PCDHA3: variants seen among roughly 807,000 people sequenced by gnomAD.
PCDHA3 encodes the protein protocadherin alpha 3.
In PCDHA3, 41 loss-of-function variants were observed where a neutral mutation model predicts 62.2. That is an observed-to-expected ratio of 0.66 (90% CI 0.51 to 0.86). The LOEUF (loss-of-function observed/expected upper bound fraction) is 0.86, where lower values mean the gene tolerates loss of function less well. Among genes scored for constraint, PCDHA3 ranks in the 40% least tolerant of loss-of-function variants. The pLI is 0.00. For synonymous variants in PCDHA3, 640 were observed against 555.4 expected, an observed-to-expected ratio of 1.15 and a Z score of -2.14; for missense variants, 1,304 against 1,241.2, an observed-to-expected ratio of 1.05 and a Z score of -0.76.
intron 1 of PCDHA3, among the ~76,000 whole-genome samples, chr5:140,873,657 C>A (rs1270824058): frequency 6.6e-6 from 1 of 152,090 alleles, no homozygotes; most frequent in Non-Finnish European, 1.5e-5. Context: ...ACATAACACA[C>A]TATTATTATT....
intron 1 of PCDHA3, chr5:140,864,380 A>C (rs1581715525): frequency 6.6e-6 from 1 of 152,354 alleles, no homozygotes; most frequent in East Asian, 1.9e-4. Flanking sequence ...CGATAAGTTT[A>C]TCTCTCACAA....
At chr5:140,804,977 T>G in intron 1 of PCDHA3, 8 of 1,501,798 alleles carry the variant, frequency 5.3e-6, no homozygotes, top group Non-Finnish European at 6.2e-6. Context: ...AGTGTGTCCA[T>G]CTCAGGTCAG....
chr5:140,949,074 C>T (rs2094343019), intron 1 of PCDHA3, among the ~76,000 whole-genome samples: 1 of 151,780 alleles, frequency 6.6e-6, no homozygotes, highest in African/African-American at 2.4e-5. Flanking sequence ...AACTCTTTCA[C>T]CCATTTATTA....
chr5:140,871,082 C>T, intron 1 of PCDHA3: 1 of 1,613,246 alleles, frequency 6.2e-7, no homozygotes, highest in Non-Finnish European at 8.5e-7. Context: ...GCGCTGACGG[C>T]CACGGCCACC....
Position 140,934,368 on chromosome 5 carries a change from CCTT to C in PCDHA3, c.2395-44578_2395-44576del, listed in dbSNP as rs1168343483. Among the ~76,000 whole-genome samples, 5 of 152,220 alleles carry C rather than the reference CCTT, an allele frequency of 3.3e-5. No homozygotes were observed. In the South Asian group the frequency reaches 1.0e-3, roughly 32 times the overall value. On this transcript the variant is annotated intron_variant, in intron 1 of 3. Transcript: ENST00000522353. ...ACAGTGTGGAGCCACTGCTTTGACT[CCTT>C]CTGTGGTTCTATGGTGGCCAGCTTT...
rs2150150778 is a variant in PCDHA3 at position 140,828,083 on chromosome 5, G to A, written c.2394+24492G>A. Reference sequence around the variant, plus strand: ...TCTTCTAATGGAAATAAAACCAGAGGTATTTGACATGGTGTTTACCCCGGA... The same window carrying A: ...TCTTCTAATGGAAATAAAACCAGAGATATTTGACATGGTGTTTACCCCGGA... On this transcript the variant is annotated intron_variant, in intron 1 of 3. Transcript: ENST00000522353. The A allele has an allele frequency of 5.0e-6, 8 of 1,588,704 alleles. No homozygotes were observed. In the Admixed American group the frequency reaches 7.1e-5, roughly 14 times the overall value.
Position 140,968,192 on chromosome 5 carries a change from A to G in PCDHA3, c.2395-10757A>G, listed in dbSNP as rs555596025. The G allele has an allele frequency of 2.5e-6, 4 of 1,614,038 alleles. No individual in the cohort carries two copies. The Admixed American group carries it at 5.0e-5, about 20-fold the overall frequency. ...AAGCTTCCTGGAGGACTCCTATTCC[A>G]TCTACATACAGGAGAACAATTTGCC... On this transcript the variant is annotated intron_variant, in intron 1 of 3. Coordinates refer to ENST00000522353, the MANE Select transcript of PCDHA3 (RefSeq NM_018906.3).
intron 1 of PCDHA3, chr5:140,968,943 T>G (rs1429261485): frequency 1.2e-6 from 2 of 1,614,128 alleles, no homozygotes; most frequent in Non-Finnish European, 1.7e-6. Context: ...ATCATCATTT[T>G]GAGCATCATC....
chr5:140,858,852 T>A lies in PCDHA3; in HGVS notation c.2394+55261T>A, dbSNP rs1327075015. The A allele has an allele frequency of 2.5e-5, 7 of 281,540 alleles. 1 individual carries two copies. The highest frequency in any genetic ancestry group is 4.7e-5 in the Non-Finnish European group (7 of 148,550). The allele number at this position is 281,540 out of a possible 1,614,324, so 17.4% of individuals were successfully genotyped here. On this transcript the variant is annotated intron_variant, in intron 1 of 3. Coordinates refer to ENST00000522353, the MANE Select transcript of PCDHA3 (RefSeq NM_018906.3). ...TACCAAAAAATTCCACTGATCTATA[T>A]CTCTTCAGTGAAAATGTGTTTTCCT... is the stretch of plus-strand genomic sequence containing the variant.
At chr5:140,842,672 A>G in intron 1 of PCDHA3, 2 of 1,595,340 alleles carry the variant, frequency 1.3e-6, no homozygotes, top group Non-Finnish European at 1.7e-6. Flanking sequence ...CGTGAACGAC[A>G]ATGCTCCGGC....
At chr5:140,865,342 T>G (rs1437907469) in intron 1 of PCDHA3, 1 of 152,202 alleles carries the variant, frequency 6.6e-6, no homozygotes, top group Non-Finnish European at 1.5e-5. Flanking sequence ...AAAGAAATAG[T>G]ATATTTACAT....
intron 1 of PCDHA3, chr5:140,843,183 C>T: frequency 6.3e-7 from 1 of 1,596,024 alleles, no homozygotes; most frequent in Non-Finnish European, 8.6e-7. Context: ...CCTCGCATCC[C>T]GTTCCGCGTG....
intron 1 of PCDHA3, among the ~76,000 whole-genome samples, chr5:140,873,360 T>C (rs1271954811): frequency 6.6e-6 from 1 of 152,170 alleles, no homozygotes; most frequent in African/African-American, 2.4e-5. Flanking sequence ...ATTTTTGGAA[T>C]AACTGAAGAT....
rs1192549493 is a variant in PCDHA3, at chr5:140,824,420, T to A, written c.2394+20829T>A. ...AATAATTGTAAGACATAGTTTGGAG[T>A]CATTCTCAAAGTTTCAGTTTATGAC... On this transcript the variant is annotated intron_variant, in intron 1 of 3. Transcript: ENST00000522353. The A allele has an allele frequency of 2.3e-5, 12 of 510,878 alleles. No individual in the cohort carries two copies. The South Asian group carries it at 3.4e-4, about 14-fold the overall frequency. The allele number at this position is 510,878 out of a possible 1,614,324, so 31.6% of individuals were successfully genotyped here.
At chr5:140,862,719 C>A (rs2047508176) in intron 1 of PCDHA3, 3 of 565,388 alleles carry the variant, frequency 5.3e-6, no homozygotes, top group Admixed American at 1.9e-5. Context: ...TGGGCGAGTG[C>A]GCGCTGTCTA....
chr5:140,889,978 A>C (rs1326390288), intron 1 of PCDHA3, among the ~76,000 whole-genome samples: 1 of 152,202 alleles, frequency 6.6e-6, no homozygotes, highest in Non-Finnish European at 1.5e-5. Flanking sequence ...TCCAGTCTCC[A>C]GTTGTCTTAG....
chr5:140,823,262 G>T lies in PCDHA3; in HGVS notation c.2394+19671G>T, dbSNP rs2150124059. ...CTGGTGTCCTACTCGCTGGTGGAGC[G>T]GCGGGTGGGCGAGCGCCCGCTGTCG... On this transcript the variant is annotated intron_variant, in intron 1 of 3. Transcript: ENST00000522353. 4.2e-5 allele frequency: 67 copies of T among 1,612,822 alleles called. No homozygotes were observed. Among genetic ancestry groups the T allele is most frequent in the Non-Finnish European group, 5.3e-5 (63 of 1,179,778 alleles).
chr5:140,834,106 C>A, intron 1 of PCDHA3: 2 of 396,430 alleles, frequency 5.0e-6, no homozygotes, highest in Non-Finnish European at 4.5e-6. Context: ...GAAAAAAATT[C>A]AGAGTTTGAA....
chr5:140,993,546 G>A (rs1013720873), intron 3 of PCDHA3, among the ~76,000 whole-genome samples: 4 of 151,434 alleles, frequency 2.6e-5, no homozygotes, highest in Non-Finnish European at 5.9e-5. Context: ...AGATAGAGAA[G>A]TGAAGTATAT....
Sources: gnomAD v4.1 joint callset for allele counts (sites outside exome capture counted in the v4.1 genomes callset) on GRCh38, gnomAD v4.1.1 for gene constraint, MANE v1.5 for transcripts, NCBI Gene and HGNC (gene_info 2026-07-23, HGNC 2026-07-21) for gene names.